Variants in SLC6A18 observed in about 807,000 individuals in gnomAD.
SLC6A18 encodes inactive sodium-dependent neutral amino acid transporter B(0)AT3.
Under a neutral mutation model 62.9 loss-of-function variants are expected in SLC6A18, and 58 were observed. The observed-to-expected ratio is 0.92, with a 90% confidence interval of 0.75 to 1.15. The LOEUF (loss-of-function observed/expected upper bound fraction) is 1.15, where lower values mean the gene tolerates loss of function less well. Among genes scored for constraint, SLC6A18 ranks in the 50% most tolerant of loss-of-function variants. The pLI, the probability that SLC6A18 is intolerant of heterozygous loss-of-function variation, is 0.00. For synonymous variants in SLC6A18, 382 were observed against 365.8 expected (o/e 1.04, Z -0.51); for missense variants, 793 against 836.6 (o/e 0.95, Z 0.64).
chr5:1,233,749 A>ATTTTTTTTTTTTT (rs70957337), intron 3 of SLC6A18, among the ~76,000 whole-genome samples: 6,873 of 137,928 alleles, frequency 0.05, 416 homozygotes, highest in African/African-American at 0.12. Flanking sequence ...CACTCAGCTA[A>ATTTTTTTTTTTTT]TTTTTTTTTT....
At chr5:1,234,316 G>T (rs1746829297) in intron 3 of SLC6A18, among the ~76,000 whole-genome samples, 1 of 152,226 alleles carries the variant, frequency 6.6e-6, no homozygotes. Context: ...GTCTGCACCT[G>T]GATGCCCTGG....
Position 1,238,556 on chromosome 5 carries a change from TGAGCTTG to T in SLC6A18, c.732+498_732+504del, listed in dbSNP as rs1389102158. Among the ~76,000 whole-genome samples, 17 of 37,304 alleles carry T rather than the reference TGAGCTTG, an allele frequency of 4.6e-4. 2 individuals carry two copies. Among genetic ancestry groups the T allele is most frequent in the African/African-American group, 1.9e-3 (6 of 3,104 alleles). The allele number at this position is 37,304 out of a possible 152,430, so 24.5% of individuals were successfully genotyped here. ...CTCAGGAAAGAGGTCAGGTTTGGAG[TGAGCTTG>T]GGGCCTCAGGAAAGAGGTCAGGTTT... On this transcript the variant is annotated intron_variant, in intron 5 of 11. Coordinates refer to ENST00000324642, the MANE Select transcript of SLC6A18 (RefSeq NM_182632.3).
chr5:1,244,148 C>T (rs1747145703), intron 9 of SLC6A18, 66 bp from the exon 10 acceptor site: 2 of 1,405,418 alleles, frequency 1.4e-6, no homozygotes, highest in South Asian at 2.6e-5. Flanking sequence ...CTGGCTTCCT[C>T]CTGACCCTCC....
chr5:1,239,609 C>T (rs772815085), intron 6 of SLC6A18, 47 bp downstream of exon 6: 22 of 1,400,526 alleles, frequency 1.6e-5, no homozygotes, highest in South Asian at 8.1e-5. Context: ...TTTGGGGAGA[C>T]GCCCGAGCAC....
Position 1,225,449 on chromosome 5 carries a change from T to C in SLC6A18, c.-29T>C, listed in dbSNP as rs7728646. On this transcript the variant is annotated 5_prime_UTR_variant, in exon 1 of 12. Transcript: ENST00000324642. ...TGGGTGTGGAGTGAGGCACCACCCT[T>C]GCCCTGAAGCCTGGGGCACTCAGTC... 0.77 allele frequency: 1,232,795 copies of C among 1,591,902 alleles called. 479,117 individuals carry two copies. The highest frequency in any genetic ancestry group is 0.8 in the African/African-American group (59,275 of 74,314).
chr5:1,244,561 G>A, intron 10 of SLC6A18, 47 bp from the exon 11 acceptor site: 1 of 1,560,578 alleles, frequency 6.4e-7, no homozygotes, highest in Non-Finnish European at 8.7e-7. Flanking sequence ...TGGAGTGGGT[G>A]GACCTTCCAC....
chr5:1,235,516 A>T lies in SLC6A18; in HGVS notation c.475A>T (p.Ser159Cys). The T allele has an allele frequency of 6.2e-7, 1 of 1,614,022 alleles. No homozygotes were observed. The highest frequency in any genetic ancestry group is 8.5e-7 in the Non-Finnish European group (1 of 1,180,020). The change falls in exon 4 of 12, where the codon AGC (serine) becomes TGC (cysteine). Residue 159 changes from serine to cysteine, a missense_variant. By Grantham distance (112) the Ser-to-Cys change is moderately radical. Coordinates refer to ENST00000324642, the MANE Select transcript of SLC6A18 (RefSeq NM_182632.3). ...VEECQGSSAV[S>C]YFWYRQTLNI... The stretch of plus-strand genomic sequence containing the variant: ...GGAGTGCCAGGGCAGCAGCGCCGTG[A>T]GCTACTTCTGGTACCGGCAGACACT...
rs555407754 is a variant in SLC6A18, at chr5:1,244,075, C to G, written c.1337-139C>G. The G allele has an allele frequency of 1.1e-4, 75 of 702,816 alleles. No homozygotes were observed. The African/African-American group carries it at 1.2e-3, about 12-fold the overall frequency. The allele number at this position is 702,816 out of a possible 1,614,324, so 43.5% of individuals were successfully genotyped here. Reference sequence around the variant, plus strand: ...AGGGCAGGGATGGAGGGTGGGAAGCCGAGAGAAGTCTCCAGCCCAGGTGCC... The same window carrying G: ...AGGGCAGGGATGGAGGGTGGGAAGCGGAGAGAAGTCTCCAGCCCAGGTGCC... On this transcript the variant is annotated intron_variant, in intron 9 of 11. Coordinates refer to ENST00000324642, the MANE Select transcript of SLC6A18 (RefSeq NM_182632.3).
intron 1 of SLC6A18, among the ~76,000 whole-genome samples, chr5:1,225,880 T>A (rs939219761): frequency 6.6e-6 from 1 of 152,172 alleles, no homozygotes; most frequent in East Asian, 1.9e-4. Context: ...CGGGGTCCAC[T>A]ATGGTCTTCC....
chr5:1,244,904 G>C, intron 11 of SLC6A18, 137 bp downstream of exon 11: 1 of 1,069,652 alleles, frequency 9.3e-7, no homozygotes, highest in South Asian at 1.7e-5. Flanking sequence ...GGTCACTTCT[G>C]CCTGGCAAAC....
intron 3 of SLC6A18, among the ~76,000 whole-genome samples, chr5:1,235,145 C>G (rs1488455187): frequency 6.6e-6 from 1 of 152,214 alleles, no homozygotes; most frequent in Non-Finnish European, 1.5e-5. Context: ...TGCTCCTGTG[C>G]CATCCTTGGG....
rs551122975 is a variant in SLC6A18 at position 1,240,428 on chromosome 5, C to T, written c.846-103C>T. 1.4e-5 allele frequency: 21 copies of T among 1,525,780 alleles called. No individual in the cohort carries two copies. In the Admixed American group the frequency reaches 2.2e-4, roughly 16 times the overall value. The allele number at this position is 1,525,780 out of a possible 1,614,324, so 94.5% of individuals were successfully genotyped here. ...TGGGTCAGAGAAGGGGCATCCCAGGCGGGAGAGAGGGTCAAGGAGGGAAGC... is the reference window on the plus strand; with the variant it reads ...TGGGTCAGAGAAGGGGCATCCCAGGTGGGAGAGAGGGTCAAGGAGGGAAGC... On this transcript the variant is annotated intron_variant, in intron 6 of 11. Transcript: ENST00000324642.
intron 5 of SLC6A18, among the ~76,000 whole-genome samples, chr5:1,238,455 C>A (rs149116180): frequency 3.9e-4 from 17 of 43,686 alleles, no homozygotes; most frequent in East Asian, 1.1e-3. Flanking sequence ...GAGCTTGGGG[C>A]CTCAGGAAAG....
chr5:1,242,795 G>A lies in SLC6A18; in HGVS notation c.1063G>A (p.Ala355Thr), dbSNP rs563873344. 44 of 1,613,870 alleles carry A rather than the reference G, an allele frequency of 2.7e-5. No homozygotes were observed. Among genetic ancestry groups the A allele is most frequent in the Middle Eastern group, 1.6e-4 (1 of 6,080 alleles). Reference sequence around the variant, plus strand: ...CCCAGCCGTCCTCATGCACCTGAACGCCACCTGGCCCAAGAGGGTGGCCCA... The same window carrying A: ...CCCAGCCGTCCTCATGCACCTGAACACCACCTGGCCCAAGAGGGTGGCCCA... ...DYPAVLMHLN[A>T]TWPKRVAQLP... The change falls in exon 8 of 12, where the codon GCC (alanine) becomes ACC (threonine). Residue 355 changes from alanine (A) to threonine (T), a missense_variant. Coordinates refer to ENST00000324642, the MANE Select transcript of SLC6A18 (RefSeq NM_182632.3).
Position 1,243,766 on chromosome 5 carries a change from G to C in SLC6A18, c.1336+7G>C. ...CCCAAGGAGGCCCTGACTGGTGAGC[G>C]CACAGCTCCGCCGCCCTGGAGGACC... is the stretch of plus-strand genomic sequence containing the variant. On this transcript the variant is annotated splice_region_variant and intron_variant, in intron 9 of 11. Coordinates refer to ENST00000324642, the MANE Select transcript of SLC6A18 (RefSeq NM_182632.3). The surrounding 1 kb of genome is among the most constrained non-coding windows in gnomAD (Gnocchi z 6.5). The C allele has an allele frequency of 6.3e-7, 1 of 1,589,278 alleles. No homozygotes were observed. The highest frequency in any genetic ancestry group is 8.6e-7 in the Non-Finnish European group (1 of 1,166,728).
At position 1,232,747 on chromosome 5, in the gene SLC6A18, A is replaced by C; in HGVS notation, c.302-4A>C. ...GGGCCACCTGACATGGTCCCTGTCC[A>C]CAGGGCTGGGCTGTGTCACGCTGTC... On this transcript the variant is annotated splice_polypyrimidine_tract_variant and splice_region_variant and intron_variant, in intron 2 of 11. Transcript: ENST00000324642. 1 of 1,609,322 alleles carries C rather than the reference A, an allele frequency of 6.2e-7. No homozygotes were observed. Among genetic ancestry groups the C allele is most frequent in the South Asian group, 1.1e-5 (1 of 90,580 alleles).
intron 6 of SLC6A18, among the ~76,000 whole-genome samples, chr5:1,240,191 T>C (rs1747017168): frequency 1.3e-5 from 2 of 152,264 alleles, no homozygotes; most frequent in Non-Finnish European, 2.9e-5. Context: ...TGCACTTGTG[T>C]GCGTTTCTCC....
chr5:1,246,138 G>GCGGGGCCCCGCC lies in SLC6A18; in HGVS notation c.*62_*73dup, dbSNP rs1747219011. On this transcript the variant is annotated 3_prime_UTR_variant, in exon 12 of 12. Transcript: ENST00000324642. ...GTGGGGGGGCTTGGCCTGATGGTGGGCGGGGCCCCGCCCACAGGGCCGACC... is the reference window on the plus strand; with the variant it reads ...GTGGGGGGGCTTGGCCTGATGGTGGGCGGGGCCCCGCCCGGGGCCCCGCCCACAGGGCCGACC... 7 of 1,429,058 alleles carry GCGGGGCCCCGCC rather than the reference G, an allele frequency of 4.9e-6. No homozygotes were observed. The highest frequency in any genetic ancestry group is 1.5e-5 in the African/African-American group (1 of 66,884). 88.5% of individuals were successfully genotyped at this position (1,429,058 alleles called of 1,614,324 possible). A position where few individuals can be genotyped will look rare whatever the true frequency, so the allele number is the denominator to read the frequency against.
At chr5:1,245,449 AAGG>A (rs979144172) in intron 11 of SLC6A18, among the ~76,000 whole-genome samples, 6 of 152,134 alleles carry the variant, frequency 3.9e-5, no homozygotes, top group Non-Finnish European at 7.4e-5. Flanking sequence ...AGGGCAGGTG[AAGG>A]AGGAGTGACC....
Sources: gnomAD v4.1 joint callset for allele counts (sites outside exome capture counted in the v4.1 genomes callset) on GRCh38, gnomAD v4.1.1 for gene constraint, Gnocchi (gnomAD v3.1) non-coding constraint, MANE v1.5 for transcripts, NCBI Gene and HGNC (gene_info 2026-07-23, HGNC 2026-07-21) for gene names.